The following CACNB4 variants were observed in gnomAD, a reference collection of about 807,000 sequenced individuals.
CACNB4 encodes calcium voltage-gated channel auxiliary subunit beta 4, also known as voltage-dependent L-type calcium channel subunit beta-4.
CACNB4 carries 32 observed loss-of-function variants against 71.2 expected under a neutral mutation model. The ratio of observed to expected loss-of-function variants is 0.45; its 90% CI spans 0.34 to 0.60. The LOEUF (loss-of-function observed/expected upper bound fraction) is 0.60, where lower values mean the gene tolerates loss of function less well. Among genes scored for constraint, CACNB4 ranks in the 20% least tolerant of loss-of-function variants. The probability of loss-of-function intolerance (pLI) is 0.01; values close to 1 mark genes in which losing one functional copy is unlikely to be tolerated. For missense variants in CACNB4, 464 were observed against 647.9 expected (o/e 0.72, Z 3.08); for synonymous variants, 231 against 236.9 (o/e 0.97, Z 0.23).
chr2:152,036,521 A>T (rs925479676), intron 2 of CACNB4, among the ~76,000 whole-genome samples: 2 of 152,174 alleles, frequency 1.3e-5, no homozygotes, highest in African/African-American at 4.8e-5. Context: ...GCTGGTCTCG[A>T]ACTCCTGACC....
At chr2:151,989,526 A>G (rs1436051359) in intron 2 of CACNB4, among the ~76,000 whole-genome samples, 1 of 152,074 alleles carries the variant, frequency 6.6e-6, no homozygotes, top group African/African-American at 2.4e-5. Flanking sequence ...ATGGCTCTCC[A>G]TGGTTTCTCT....
At chr2:152,017,497 G>C (rs375870042) in intron 2 of CACNB4, among the ~76,000 whole-genome samples, 472 of 5,388 alleles carry the variant, frequency 0.088, 3 homozygotes, top group African/African-American at 0.099. Flanking sequence ...CCCGAGGTCA[G>C]GAGATCGAGA....
intron 8 of CACNB4, chr2:151,870,051 G>A (rs148255264): frequency 0.016 from 9,216 of 582,838 alleles, 128 homozygotes; most frequent in Non-Finnish European, 0.019. Context: ...TTTAAAACAT[G>A]TGCCCTTTAA....
chr2:151,942,389 G>C (rs1560038102), intron 2 of CACNB4, among the ~76,000 whole-genome samples: 2 of 149,108 alleles, frequency 1.3e-5, no homozygotes, highest in African/African-American at 2.6e-5. Flanking sequence ...GTCTTCGTAA[G>C]CTGAGGATGT....
intron 2 of CACNB4, among the ~76,000 whole-genome samples, chr2:152,056,269 G>A (rs188811921): frequency 2.0e-5 from 3 of 151,496 alleles, no homozygotes; most frequent in African/African-American, 7.3e-5. Context: ...GCTGAGGCAG[G>A]AGAATGGCAT....
chr2:151,869,128 A>C, intron 9 of CACNB4, 49 bp downstream of exon 9: 1 of 1,051,424 alleles, frequency 9.5e-7, no homozygotes, highest in Non-Finnish European at 1.4e-6. Flanking sequence ...TTTATCACAC[A>C]AGTTTGGTTA....
chr2:152,081,383 G>C (rs901122071), intron 2 of CACNB4, among the ~76,000 whole-genome samples: 2 of 152,106 alleles, frequency 1.3e-5, no homozygotes, highest in Non-Finnish European at 2.9e-5. Context: ...GCTGGGCTCA[G>C]CGTGCATGCC....
intron 2 of CACNB4, among the ~76,000 whole-genome samples, chr2:151,932,584 A>C (rs1215812653): frequency 6.6e-6 from 1 of 152,120 alleles, no homozygotes; most frequent in East Asian, 1.9e-4. Context: ...GTTGAAATGC[A>C]GTCATTGGGG....
At chr2:152,030,216 CAT>C (rs1382628835) in intron 2 of CACNB4, among the ~76,000 whole-genome samples, 3 of 152,092 alleles carry the variant, frequency 2.0e-5, no homozygotes, top group African/African-American at 7.2e-5. Context: ...AAAATTCACA[CAT>C]AGTCAAATAA....
At chr2:152,046,634 C>G (rs567241132) in intron 2 of CACNB4, among the ~76,000 whole-genome samples, 1 of 152,302 alleles carries the variant, frequency 6.6e-6, no homozygotes, top group Non-Finnish European at 1.5e-5. Context: ...ACACCTAAGA[C>G]AGTCCTTATT....
In CACNB4 at chr2:152,093,638, T is replaced by C. The variant is rs1171820294; in HGVS notation, c.147+4692A>G. Among the ~76,000 whole-genome samples, 2 of 152,098 alleles carry C rather than the reference T, an allele frequency of 1.3e-5. 1 individual carries two copies. The highest frequency in any genetic ancestry group is 3.9e-4 in the East Asian group (2 of 5,194). On this transcript the variant is annotated intron_variant, in intron 2 of 13. Transcript: ENST00000539935. ...TTCTTGGAACCTAGCCACCATATTA[T>C]CCGGGAGCTCAAGCAACCATGTTGA...
At chr2:152,021,642 T>C (rs1427119978) in intron 2 of CACNB4, among the ~76,000 whole-genome samples, 1 of 152,214 alleles carries the variant, frequency 6.6e-6, no homozygotes. Flanking sequence ...TGTCTCTTTT[T>C]CCCCTTCTCA....
chr2:152,009,690 G>A (rs1366730823), intron 2 of CACNB4, among the ~76,000 whole-genome samples: 1 of 152,202 alleles, frequency 6.6e-6, no homozygotes, highest in Non-Finnish European at 1.5e-5. Flanking sequence ...ATTTCCTGCA[G>A]TGCAATGCAC....
At chr2:151,991,821 G>A (rs114831492) in intron 2 of CACNB4, among the ~76,000 whole-genome samples, 3,080 of 152,262 alleles carry the variant, frequency 0.02, 103 homozygotes, top group African/African-American at 0.069. Context: ...AATGGCGATT[G>A]TCTTAATTTG....
At chr2:152,064,731 A>G (rs1686210304) in intron 2 of CACNB4, among the ~76,000 whole-genome samples, 1 of 152,244 alleles carries the variant, frequency 6.6e-6, no homozygotes. Context: ...CAAATAATAA[A>G]TACAGGTAAG....
At chr2:152,025,980 A>T (rs900538993) in intron 2 of CACNB4, among the ~76,000 whole-genome samples, 2 of 152,194 alleles carry the variant, frequency 1.3e-5, no homozygotes, top group Non-Finnish European at 2.9e-5. Flanking sequence ...AGTAAAGAGG[A>T]TGTGAGAACA....
At chr2:152,091,123 A>G (rs1687949589) in intron 2 of CACNB4, among the ~76,000 whole-genome samples, 1 of 152,152 alleles carries the variant, frequency 6.6e-6, no homozygotes, top group African/African-American at 2.4e-5. Context: ...TGACTGGTTA[A>G]CGGGTTAGCT....
intron 12 of CACNB4, chr2:151,852,262 A>G (rs544739138): frequency 1.6e-4 from 25 of 152,360 alleles, no homozygotes; most frequent in African/African-American, 5.8e-4. Context: ...TATGTAAAGC[A>G]TCTAGCACAC....
chr2:152,062,047 A>AATG (rs1171210463), intron 2 of CACNB4, among the ~76,000 whole-genome samples: 8 of 147,464 alleles, frequency 5.4e-5, no homozygotes, highest in Admixed American at 1.3e-4. Context: ...TAATAATAAT[A>AATG]ATGATTAGGA....
Sources: allele counts gnomAD v4.1 joint callset (sites outside exome capture counted in the v4.1 genomes callset), GRCh38; gene constraint gnomAD v4.1.1; transcripts MANE v1.5; gene names NCBI Gene and HGNC (gene_info 2026-07-23, HGNC 2026-07-21).